The following MLLT10 variants were observed in gnomAD, a reference collection of about 807,000 sequenced individuals.
The protein encoded by MLLT10 is protein AF-10.
A neutral mutation model predicts 129.1 loss-of-function variants in MLLT10; 30 were observed. The observed-to-expected ratio is 0.23, with a 90% CI of 0.17 to 0.32. The LOEUF is 0.32. Among genes scored for constraint, MLLT10 ranks in the 10% least tolerant of loss-of-function variants. MLLT10 has a pLI of 1.00. For synonymous variants in MLLT10, 490 were observed against 446.4 expected (o/e 1.10, Z -1.23); for missense variants, 1,119 against 1,268.3 (o/e 0.88, Z 1.79).
intron 4 of MLLT10, among the ~76,000 whole-genome samples, chr10:21,592,123 A>G (rs567426350): frequency 4.6e-5 from 7 of 152,308 alleles, no homozygotes; most frequent in African/African-American, 9.6e-5. Flanking sequence ...AGCTACATAC[A>G]TTCACAAACC....
Position 21,732,963 on chromosome 10 carries a change from T to C in MLLT10, c.2283T>C (p.Ile761=). ...AAAACCGAAGATTAGAGGAACAAAT[T>C]AAAAACTTGACTGCCAAAAAGGAAC... is the stretch of plus-strand genomic sequence containing the variant. ...QVENRRLEEQ[I]KNLTAKKERL... Residue 761 remains isoleucine (I), a synonymous_variant, in exon 18 of 23, where the codon ATT becomes ATC. Transcript: ENST00000307729. 6.2e-7 allele frequency: 1 copy of C among 1,614,040 alleles called. No homozygotes were observed. The highest frequency in any genetic ancestry group is 1.1e-5 in the South Asian group (1 of 91,066).
chr10:21,717,852 T>C (rs1269895512), intron 14 of MLLT10, among the ~76,000 whole-genome samples: 72 of 76,932 alleles, frequency 9.4e-4, no homozygotes, highest in South Asian at 1.4e-3. Context: ...TCCTCCTCCT[T>C]CTCCTCCTCC....
chr10:21,555,437 G>A (rs1204394041), intron 3 of MLLT10, among the ~76,000 whole-genome samples: 1 of 151,380 alleles, frequency 6.6e-6, no homozygotes, highest in African/African-American at 2.4e-5. Context: ...TGGCCATGCT[G>A]GTCTCAGACT....
chr10:21,656,745 A>G (rs2049625704), intron 9 of MLLT10, among the ~76,000 whole-genome samples: 1 of 152,200 alleles, frequency 6.6e-6, no homozygotes. Context: ...ATATTTTCAC[A>G]CAAATCTTTG....
intron 3 of MLLT10, among the ~76,000 whole-genome samples, chr10:21,570,369 A>C (rs2040074215): frequency 6.6e-6 from 1 of 152,190 alleles, no homozygotes; most frequent in Admixed American, 6.5e-5. Flanking sequence ...CACTGCGCTC[A>C]GCCACTTTTC....
In MLLT10 at chr10:21,612,355, A is replaced by T; in HGVS notation, c.413A>T (p.Tyr138Phe). The T allele has an allele frequency of 6.2e-7, 1 of 1,601,824 alleles. No individual in the cohort carries two copies. Residue 138 changes from tyrosine (Y) to phenylalanine (F), a missense_variant, in exon 6 of 23, where the codon TAC becomes TTC. Transcript: ENST00000307729. Reference protein sequence around the residue: ...VPHDRYNKTCYICDEQGRESK... With the variant: ...VPHDRYNKTCFICDEQGRESK... ...TTTTTTTTTAACCCCAAGACTTGCT[A>T]CATTTGTGATGAACAAGGAAGAGAA...
intron 9 of MLLT10, among the ~76,000 whole-genome samples, chr10:21,663,455 C>A (rs1202146363): frequency 6.6e-6 from 1 of 151,866 alleles, no homozygotes; most frequent in East Asian, 1.9e-4. Flanking sequence ...CGGCTCACTG[C>A]AACTTCTGCT....
intron 14 of MLLT10, among the ~76,000 whole-genome samples, chr10:21,717,906 C>CCTTCTCCTCCTCCTT (rs1564712543): frequency 2.1e-5 from 3 of 143,782 alleles, no homozygotes; most frequent in Admixed American, 6.8e-5. Flanking sequence ...TCCTCCTCCT[C>CCTTCTCCTCCTCCTT]CTCCTTCTCC....
intron 3 of MLLT10, among the ~76,000 whole-genome samples, chr10:21,544,007 GCTAA>G (rs1280123967): frequency 6.6e-6 from 1 of 152,150 alleles, no homozygotes; most frequent in Non-Finnish European, 1.5e-5. Flanking sequence ...AAAATGAGTA[GCTAA>G]CTTTTTGAGT....
intron 8 of MLLT10, among the ~76,000 whole-genome samples, chr10:21,635,339 C>A (rs1031320114): frequency 6.6e-6 from 1 of 151,918 alleles, no homozygotes; most frequent in Non-Finnish European, 1.5e-5. Context: ...TTGTGTTATT[C>A]CATGAGTTTT....
intron 8 of MLLT10, among the ~76,000 whole-genome samples, chr10:21,634,417 A>T (rs2047274159): frequency 6.6e-6 from 1 of 152,322 alleles, no homozygotes; most frequent in South Asian, 2.1e-4. Flanking sequence ...AGTGCATTGT[A>T]TCAAGGGACA....
chr10:21,707,989 GT>G (rs571883616), intron 13 of MLLT10, among the ~76,000 whole-genome samples: 108 of 152,100 alleles, frequency 7.1e-4, no homozygotes, highest in African/African-American at 2.5e-3. Flanking sequence ...CACTCTTGTG[GT>G]ACCTTTTTCT....
At chr10:21,553,464 T>G (rs1423541757) in intron 3 of MLLT10, among the ~76,000 whole-genome samples, 1 of 151,664 alleles carries the variant, frequency 6.6e-6, no homozygotes, top group Non-Finnish European at 1.5e-5. Context: ...TAGCTGAGAC[T>G]ACAGGCGTGT....
At chr10:21,565,945 CTTTTTTT>C (rs1204388391) in intron 3 of MLLT10, among the ~76,000 whole-genome samples, 3 of 79,358 alleles carry the variant, frequency 3.8e-5, no homozygotes, top group African/African-American at 1.1e-4. Context: ...CAATCTTTGG[CTTTTTTT>C]TTTTTTTTTT....
rs1833801750 is a variant in MLLT10, at chr10:21,742,476, T to A, written c.*493T>A. The A allele has an allele frequency of 4.6e-6, 1 of 215,762 alleles. No homozygotes were observed. Among genetic ancestry groups the A allele is most frequent in the South Asian group, 1.9e-4 (1 of 5,378 alleles). The allele number at this position is 215,762 out of a possible 1,614,324, so 13.4% of individuals were successfully genotyped here. ...ATTTCTTCTCCTGGAGTTGCATTGATTCAGTATTACAAATATATAGCACAT... is the reference window on the plus strand; with the variant it reads ...ATTTCTTCTCCTGGAGTTGCATTGAATCAGTATTACAAATATATAGCACAT... On this transcript the variant is annotated 3_prime_UTR_variant, in exon 23 of 23. Coordinates refer to ENST00000307729, the MANE Select transcript of MLLT10 (RefSeq NM_001195626.3).
Position 21,729,083 on chromosome 10 carries a change from C to T in MLLT10, c.2063+1155C>T, listed in dbSNP as rs546896373. Among the ~76,000 whole-genome samples the T allele has an allele frequency of 2.9e-3, 443 of 151,644 alleles. 4 individuals carry two copies. The highest frequency in any genetic ancestry group is 0.01 in the African/African-American group (427 of 41,304). On this transcript the variant is annotated intron_variant, in intron 16 of 22. Coordinates refer to ENST00000307729, the MANE Select transcript of MLLT10 (RefSeq NM_001195626.3). ...TGAACTAAAAGTAGTATTGTTTTCC[C>T]TGATTGAACTCTGCAGAAAATCAAA...
intron 4 of MLLT10, among the ~76,000 whole-genome samples, chr10:21,588,515 A>G (rs2042210078): frequency 6.6e-6 from 1 of 152,096 alleles, no homozygotes; most frequent in Admixed American, 6.6e-5. Flanking sequence ...GTATACAAGT[A>G]TATCTATAGG....
intron 22 of MLLT10, 36 bp downstream of exon 22, chr10:21,740,272 A>G: frequency 6.3e-7 from 1 of 1,594,124 alleles, no homozygotes; most frequent in African/African-American, 1.3e-5. Flanking sequence ...TAATGAAACA[A>G]GAACTGTATT....
At chr10:21,660,215 C>A (rs893650672) in intron 9 of MLLT10, among the ~76,000 whole-genome samples, 2 of 151,364 alleles carry the variant, frequency 1.3e-5, no homozygotes, top group African/African-American at 4.8e-5. Context: ...CATTTGCCCC[C>A]CCTTAACCCA....
Sources: gnomAD v4.1 joint callset for allele counts (sites outside exome capture counted in the v4.1 genomes callset) on GRCh38, gnomAD v4.1.1 for gene constraint, MANE v1.5 for transcripts, NCBI Gene and HGNC (gene_info 2026-07-23, HGNC 2026-07-21) for gene names.